Variants in TPCN2 observed in about 807,000 individuals in gnomAD.
The protein encoded by TPCN2 is two pore segment channel 2.
A neutral mutation model predicts 111.4 loss-of-function variants in TPCN2; 92 were observed. The ratio of observed to expected loss-of-function variants is 0.83; its 90% confidence interval spans 0.70 to 0.98. TPCN2 has a LOEUF of 0.98. Among genes scored for constraint, TPCN2 ranks in the 50% least tolerant of loss-of-function variants. TPCN2 has a pLI of 0.00. For synonymous variants in TPCN2, 405 were observed against 414.5 expected, an observed-to-expected ratio of 0.98 and a Z score of 0.28; for missense variants, 995 against 980.1, an observed-to-expected ratio of 1.02 and a Z score of -0.20.
At chr11:69,057,218 C>T (rs535102878) in intron 4 of TPCN2, among the ~76,000 whole-genome samples, 9 of 152,226 alleles carry the variant, frequency 5.9e-5, no homozygotes, top group Non-Finnish European at 1.2e-4. Flanking sequence ...CTTGCTGTGG[C>T]GGCGGAGACC....
At chr11:69,073,211 C>T (rs373812618) in intron 13 of TPCN2, among the ~76,000 whole-genome samples, 1 of 152,196 alleles carries the variant, frequency 6.6e-6, no homozygotes, top group South Asian at 2.1e-4. Context: ...CAGGAACTAG[C>T]CTGAGCCCAG....
intron 5 of TPCN2, 55 bp downstream of exon 5, chr11:69,057,749 G>A (rs1043525357): frequency 2.0e-6 from 3 of 1,534,698 alleles, no homozygotes; most frequent in African/African-American, 1.4e-5. Flanking sequence ...TGGTGTGGGT[G>A]CAAGGCCCAC....
At chr11:69,078,167 T>C (rs968551514) in intron 13 of TPCN2, among the ~76,000 whole-genome samples, 24 of 151,986 alleles carry the variant, frequency 1.6e-4, no homozygotes, top group African/African-American at 5.8e-4. Flanking sequence ...AGCTTTTTTT[T>C]TTTTTATATA....
At chr11:69,085,789 G>A (rs199685127) in intron 21 of TPCN2, 37 bp downstream of exon 21, 25 of 1,613,144 alleles carry the variant, frequency 1.5e-5, no homozygotes, top group East Asian at 2.2e-5. Context: ...CCTGCTCCCC[G>A]GGCTCCTCCC....
intron 6 of TPCN2, 25 bp downstream of exon 6, chr11:69,063,015 G>T (rs769806857): frequency 1.2e-6 from 2 of 1,606,160 alleles, no homozygotes; most frequent in African/African-American, 2.7e-5. Context: ...CTCTGGGCTC[G>T]CAGGGTTGGG....
In TPCN2 at chr11:69,063,960, G is replaced by A. The variant is rs1237067246; in HGVS notation, c.719G>A (p.Gly240Asp). 6.2e-7 allele frequency: 1 copy of A among 1,614,098 alleles called. No homozygotes were observed. ...FTMFGMLLFA[G>D]GKQDDGQDRE... Reference sequence around the variant, plus strand: ...ATGTTCGGAATGCTGCTGTTCGCTGGTGGGAAGGTAGGGCACCCGTGGTCA... The same window carrying A: ...ATGTTCGGAATGCTGCTGTTCGCTGATGGGAAGGTAGGGCACCCGTGGTCA... Residue 240 changes from glycine to aspartate, a missense_variant, in exon 7 of 25, where the codon GGT becomes GAT. Gly to Asp is a moderately conservative substitution (Grantham distance 94). Transcript: ENST00000294309.
At chr11:69,054,197 G>A in intron 2 of TPCN2, 100 bp downstream of exon 2, 1 of 933,248 alleles carries the variant, frequency 1.1e-6, no homozygotes, top group Non-Finnish European at 1.7e-6. Flanking sequence ...GGCCTCCATT[G>A]CTGGACTGTA....
intron 18 of TPCN2, 30 bp downstream of exon 18, chr11:69,081,529 C>T: frequency 6.7e-7 from 1 of 1,493,634 alleles, no homozygotes; most frequent in Non-Finnish European, 9.1e-7. Flanking sequence ...CCACTCGCCC[C>T]ACCCTCCTGG....
At chr11:69,083,703 G>T (rs115743726) in intron 18 of TPCN2, among the ~76,000 whole-genome samples, 1 of 152,136 alleles carries the variant, frequency 6.6e-6, no homozygotes, top group South Asian at 2.1e-4. Context: ...GTGCGAATGC[G>T]TGTGGGTAGA....
chr11:69,063,577 C>T (rs891212173), intron 6 of TPCN2, among the ~76,000 whole-genome samples: 2 of 152,122 alleles, frequency 1.3e-5, no homozygotes, highest in African/African-American at 4.8e-5. Context: ...GACCCCTCAC[C>T]ATCCAGCTCA....
intron 18 of TPCN2, among the ~76,000 whole-genome samples, chr11:69,083,515 A>T (rs1565095339): frequency 6.6e-6 from 1 of 152,120 alleles, no homozygotes; most frequent in Non-Finnish European, 1.5e-5. Context: ...TGCCACCTCT[A>T]GCTCTGCATT....
At position 69,070,482 on chromosome 11, in the gene TPCN2, C is replaced by A. The variant is rs140080013; in HGVS notation, c.882C>A (p.Val294=). The change falls in exon 9 of 25, where the codon GTC becomes GTA. Residue 294 remains valine (V), a synonymous_variant. Transcript: ENST00000294309. ...GGGCCTATGCCATCTTCTTCATAGT[C>A]TTCACTGTGATAGGTGAGTGCAGGT... ...KNRAYAIFFI[V]FTVIGSLFLM... 2 of 1,608,186 alleles carry A rather than the reference C, an allele frequency of 1.2e-6. No individual in the cohort carries two copies. The highest frequency in any genetic ancestry group is 1.7e-5 in the Admixed American group (1 of 59,098).
intron 19 of TPCN2, 70 bp downstream of exon 19, chr11:69,084,086 A>G: frequency 6.7e-7 from 1 of 1,498,810 alleles, no homozygotes; most frequent in Non-Finnish European, 9.3e-7. Flanking sequence ...GGCGGAAGGC[A>G]GTGCCGGGCC....
At chr11:69,063,841 G>A (rs1855134061) in intron 6 of TPCN2, 54 bp from the exon 7 acceptor site, 2 of 1,572,772 alleles carry the variant, frequency 1.3e-6, no homozygotes, top group African/African-American at 2.7e-5. Flanking sequence ...GGCAGGTCAG[G>A]TGTCCCTGCC....
Position 69,057,496 on chromosome 11 carries a change from C to T in TPCN2, c.430-82C>T, listed in dbSNP as rs558596125. 7.5e-6 allele frequency: 10 copies of T among 1,328,532 alleles called. No homozygotes were observed. In the African/African-American group the frequency reaches 1.4e-4, roughly 19 times the overall value. 82.3% of individuals were successfully genotyped at this position (1,328,532 alleles called of 1,614,324 possible). On this transcript the variant is annotated intron_variant, in intron 4 of 24. Transcript: ENST00000294309. ...CGCACCCTGCTCTGGTCGCCTGGTCCCTGCGCTGCGCACCGTCATTCTCTG... is the reference window on the plus strand; with the variant it reads ...CGCACCCTGCTCTGGTCGCCTGGTCTCTGCGCTGCGCACCGTCATTCTCTG...
At chr11:69,075,168 G>A (rs1345084030) in intron 13 of TPCN2, among the ~76,000 whole-genome samples, 3 of 152,158 alleles carry the variant, frequency 2.0e-5, no homozygotes, top group Non-Finnish European at 4.4e-5. Flanking sequence ...TGAGATGGGA[G>A]TTTAGGTTCC....
At chr11:69,071,816 A>C in intron 10 of TPCN2, 107 bp from the exon 11 acceptor site, 1 of 1,016,928 alleles carries the variant, frequency 9.8e-7, no homozygotes, top group Non-Finnish European at 1.5e-6. Context: ...GCCCCCCCCC[A>C]AGGCTGCCCA....
chr11:69,055,308 G>C lies in TPCN2; in HGVS notation c.385G>C (p.Glu129Gln). 2 of 1,613,332 alleles carry C rather than the reference G, an allele frequency of 1.2e-6. No homozygotes were observed. The highest frequency in any genetic ancestry group is 2.2e-5 in the South Asian group (2 of 91,038). ...GCCCTGCGGCCTGACCGAGAGTGTCGAGGTGCTCTGCCTGCTGGTCTTTGC... is the reference window on the plus strand; with the variant it reads ...GCCCTGCGGCCTGACCGAGAGTGTCCAGGTGCTCTGCCTGCTGGTCTTTGC... ...EPPCGLTESV[E>Q]VLCLLVFAAD... is the part of the protein sequence containing the mutation. The change falls in exon 4 of 25, where the codon GAG becomes CAG. Residue 129 changes from glutamate (E) to glutamine (Q), a missense_variant. Physicochemically the swap from Glu to Gln is conservative, Grantham distance 29 (BLOSUM62 2). Transcript: ENST00000294309.
chr11:69,064,287 C>A (rs993746885), intron 7 of TPCN2, among the ~76,000 whole-genome samples: 6 of 141,860 alleles, frequency 4.2e-5, no homozygotes, highest in African/African-American at 1.3e-4. Context: ...TTCCCTCCCC[C>A]CTCCCTATCC....
Sources: gnomAD v4.1 joint callset for allele counts (sites outside exome capture counted in the v4.1 genomes callset) on GRCh38, gnomAD v4.1.1 for gene constraint, MANE v1.5 for transcripts, NCBI Gene and HGNC (gene_info 2026-07-23, HGNC 2026-07-21) for gene names.